The following AHNAK variants were observed in gnomAD, a reference collection of about 807,000 sequenced individuals.
AHNAK encodes AHNAK nucleoprotein.
In AHNAK, 23 loss-of-function variants were observed where a neutral mutation model predicts 37.8. The ratio of observed to expected loss-of-function variants is 0.61; its 90% confidence interval spans 0.44 to 0.86. AHNAK has a LOEUF of 0.86. Ranked by LOEUF, AHNAK falls within the 40% of genes least tolerant of loss-of-function variation. AHNAK has a pLI of 0.00. For missense variants in AHNAK, 7,411 were observed against 7,319.4 expected (o/e 1.01, Z -0.46); for synonymous variants, 2,481 against 2,636.3 (o/e 0.94, Z 1.80).
In AHNAK at chr11:62,518,858, A is replaced by T; in HGVS notation, c.15559T>A (p.Phe5187Ile). 6.2e-7 allele frequency: 1 copy of T among 1,614,216 alleles called. No homozygotes were observed. The highest frequency in any genetic ancestry group is 8.5e-7 in the Non-Finnish European group (1 of 1,180,030). Residue 5187 changes from phenylalanine to isoleucine, a missense_variant, in exon 5 of 5, where the codon TTC (phenylalanine) becomes ATC (isoleucine). Transcript: ENST00000378024. ...GAGACTTGAGGGGCAGAAATGCCGA[A>T]GGACGGTGTTTTGACTTTAGCATCT... The part of the protein sequence containing the change: ...GLDAKVKTPS[F>I]GISAPQVSIP...
intron 5 of AHNAK, among the ~76,000 whole-genome samples, chr11:62,454,273 C>A (rs1270622157): frequency 6.6e-6 from 1 of 150,866 alleles, no homozygotes; most frequent in Non-Finnish European, 1.5e-5. Context: ...ATTAGCCGGG[C>A]GTGGTGGCGG....
rs778053025 is a variant in AHNAK, at chr11:62,526,585, G to T, written c.7832C>A (p.Pro2611His). The T allele has an allele frequency of 1.9e-6, 3 of 1,612,664 alleles. No homozygotes were observed. In the East Asian group the frequency reaches 6.7e-5, roughly 36 times the overall value. Residue 2611 changes from proline to histidine, a missense_variant, in exon 5 of 5, where the codon CCC becomes CAC. Coordinates refer to ENST00000378024, the MANE Select transcript of AHNAK (RefSeq NM_001620.3). ...TTTGGGCCCCTTGATGTCAACTTCG[G>T]GGCCCTTGAGGTCACCTTCCACTTT... Reference protein sequence around the residue: ...LPKVEGDLKGPEVDIKGPKVD... With the variant: ...LPKVEGDLKGHEVDIKGPKVD...
rs193035813 is a variant in AHNAK at position 62,484,805 on chromosome 11, T to C, written c.442+6927A>G. On this transcript the variant is annotated intron_variant, in intron 5 of 5. Coordinates refer to the AHNAK transcript ENST00000257247. ...TGTTCTGTTTTGTTTTGTTTTGTTTTTGAGACAGAGTTTCGCTCTTGTTGC... is the reference window on the plus strand; with the variant it reads ...TGTTCTGTTTTGTTTTGTTTTGTTTCTGAGACAGAGTTTCGCTCTTGTTGC... 4.6e-5 allele frequency among the ~76,000 whole-genome samples: 7 copies of C among 152,318 alleles called. No homozygotes were observed. The East Asian group carries it at 1.2e-3, about 25-fold the overall frequency.
At chr11:62,492,267 T>G (rs1373625765) in intron 4 of AHNAK, among the ~76,000 whole-genome samples, 1 of 152,194 alleles carries the variant, frequency 6.6e-6, no homozygotes, top group African/African-American at 2.4e-5. Flanking sequence ...CCTCTGGGTA[T>G]CTTTTCTCCA....
At chr11:62,479,736 G>A (rs185152502) in intron 5 of AHNAK, among the ~76,000 whole-genome samples, 1 of 152,194 alleles carries the variant, frequency 6.6e-6, no homozygotes, top group Non-Finnish European at 1.5e-5. Flanking sequence ...CACGACGCAC[G>A]AAACAGATAA....
chr11:62,504,662 C>T (rs1939776059), intron 4 of AHNAK, among the ~76,000 whole-genome samples: 1 of 152,024 alleles, frequency 6.6e-6, no homozygotes, highest in African/African-American at 2.4e-5. Flanking sequence ...TAAACACTGG[C>T]TGGAAAGACC....
In AHNAK at chr11:62,544,043, C is replaced by T. The variant is rs368179112; in HGVS notation, c.-100+2617G>A. Among the ~76,000 whole-genome samples, 5 of 152,274 alleles carry T rather than the reference C, an allele frequency of 3.3e-5. No individual in the cohort carries two copies. In the East Asian group the frequency reaches 9.7e-4, roughly 29 times the overall value. On this transcript the variant is annotated intron_variant, in intron 1 of 4. Transcript: ENST00000378024. ...CCACACCCCAGAGCCCCACACACCC[C>T]TCCGCCCCCACGGCTTTGCCCCAAC...
chr11:62,463,495 C>T (rs1379960087), intron 5 of AHNAK, among the ~76,000 whole-genome samples: 1 of 134,940 alleles, frequency 7.4e-6, no homozygotes, highest in Admixed American at 7.5e-5. Flanking sequence ...GCCTCCCTCC[C>T]GTCTTGCTTT....
chr11:62,535,467 A>G (rs923120934), intron 3 of AHNAK, among the ~76,000 whole-genome samples: 7 of 152,090 alleles, frequency 4.6e-5, no homozygotes, highest in Admixed American at 4.6e-4. Context: ...TGACCAACAT[A>G]GAAAAACCCC....
At position 62,435,665 on chromosome 11, in the gene AHNAK, G is replaced by A. The variant is rs1173788621; in HGVS notation, c.443-1774C>T. ...CCTGACCTCGTGATCCGCCCACCTC[G>A]GCCTCCCAAAGTGCTGGGATTACAG... On this transcript the variant is annotated intron_variant, in intron 5 of 5. Transcript: ENST00000257247. Among the ~76,000 whole-genome samples, 5 of 152,184 alleles carry A rather than the reference G, an allele frequency of 3.3e-5. No individual in the cohort carries two copies. The East Asian group carries it at 7.7e-4, about 24-fold the overall frequency.
Position 62,524,468 on chromosome 11 carries a change from T to C in AHNAK, c.9949A>G (p.Lys3317Glu). 6.2e-7 allele frequency: 1 copy of C among 1,614,118 alleles called. No individual in the cohort carries two copies. The highest frequency in any genetic ancestry group is 8.5e-7 in the Non-Finnish European group (1 of 1,180,012). Residue 3317 changes from lysine to glutamate, a missense_variant, in exon 5 of 5, where the codon AAG becomes GAG. Lys to Glu is a moderately conservative substitution (Grantham distance 56). Coordinates refer to ENST00000378024, the MANE Select transcript of AHNAK (RefSeq NM_001620.3). ...GGAGCTTTAATGTCACCTTCCAACT[T>C]GGGCCCAGAGACATCAACATCTCCC... ...LKGDVDVSGP[K>E]LEGDIKAPSL...
exon 6 of AHNAK, chr11:62,433,774 G>T: frequency 6.7e-7 from 1 of 1,489,044 alleles, no homozygotes; most frequent in Non-Finnish European, 9.3e-7. Context: ...AACTGCAGGT[G>T]TTTGTTGCCC....
At position 62,528,629 on chromosome 11, in the gene AHNAK, G is replaced by A. The variant is rs199572949; in HGVS notation, c.5788C>T (p.His1930Tyr). 6.8e-6 allele frequency: 11 copies of A among 1,609,636 alleles called. No individual in the cohort carries two copies. In the South Asian group the frequency reaches 8.8e-5, roughly 13 times the overall value. Reference sequence around the variant, plus strand: ...CCTTTGACTTTGGGGCCTTTCAAGTGTAAGTCCACATCAGGCATGGAGATC... The same window carrying A: ...CCTTTGACTTTGGGGCCTTTCAAGTATAAGTCCACATCAGGCATGGAGATC... ...PKISMPDVDL[H>Y]LKGPKVKGDV... Residue 1930 changes from histidine to tyrosine, a missense_variant, in exon 5 of 5, where the codon CAC becomes TAC. Physicochemically the swap from His to Tyr is moderately conservative, Grantham distance 83. Coordinates refer to ENST00000378024, the MANE Select transcript of AHNAK (RefSeq NM_001620.3).
rs762186215 is a variant in AHNAK at position 62,522,597 on chromosome 11, G to A, written c.11820C>T (p.Ile3940=). 1.2e-6 allele frequency: 2 copies of A among 1,611,664 alleles called. No homozygotes were observed. Among genetic ancestry groups the A allele is most frequent in the South Asian group, 1.1e-5 (1 of 90,954 alleles). The part of the protein sequence containing the change: ...LKMPKIKMPK[I]SMPGFKGEGP... Reference sequence around the variant, plus strand: ...CTTCTCCTTTGAAGCCAGGCATGCTGATCTTGGGCATTTTTATCTTAGGCA... The same window carrying A: ...CTTCTCCTTTGAAGCCAGGCATGCTAATCTTGGGCATTTTTATCTTAGGCA... The change falls in exon 5 of 5, where the codon ATC becomes ATT. Residue 3940 remains isoleucine (I), a synonymous_variant. Transcript: ENST00000378024.
chr11:62,465,330 G>A (rs1385640508), intron 5 of AHNAK, among the ~76,000 whole-genome samples: 7 of 152,014 alleles, frequency 4.6e-5, no homozygotes, highest in Non-Finnish European at 7.4e-5. Flanking sequence ...TTTACCGTGC[G>A]GTCGCTGGGC....
Position 62,531,206 on chromosome 11 carries a change from C to T in AHNAK, c.3211G>A (p.Asp1071Asn). 6.2e-7 allele frequency: 1 copy of T among 1,614,138 alleles called. No homozygotes were observed. Among genetic ancestry groups the T allele is most frequent in the Middle Eastern group, 1.7e-4 (1 of 6,058 alleles). The change falls in exon 5 of 5, where the codon GAT becomes AAT. Residue 1071 changes from aspartate (D) to asparagine (N), a missense_variant. Coordinates refer to ENST00000378024, the MANE Select transcript of AHNAK (RefSeq NM_001620.3). ...GGTCCTTTAAGATCCAGGTCAACATCTGGCAAAGACATCTTAGGAGCTCTG... is the reference window on the plus strand; with the variant it reads ...GGTCCTTTAAGATCCAGGTCAACATTTGGCAAAGACATCTTAGGAGCTCTG... The part of the protein sequence containing the change: ...HFRAPKMSLP[D>N]VDLDLKGPKM...
chr11:62,519,878 G>C lies in AHNAK; in HGVS notation c.14539C>G (p.Pro4847Ala). The stretch of plus-strand genomic sequence containing the variant: ...TCAACATCAGGTATGGAGATCTTGG[G>C]AGCTTTGATATTTATTTCAGGCATC... ...FKMPEINIKAPKISIPDVDLD... is the reference protein window; with the variant it reads ...FKMPEINIKAAKISIPDVDLD... Residue 4847 changes from proline to alanine, a missense_variant, in exon 5 of 5, where the codon CCC becomes GCC. Transcript: ENST00000378024. The C allele has an allele frequency of 6.2e-7, 1 of 1,614,076 alleles. No individual in the cohort carries two copies. Among genetic ancestry groups the C allele is most frequent in the Non-Finnish European group, 8.5e-7 (1 of 1,179,970 alleles).
At chr11:62,498,295 T>C (rs538220777) in intron 4 of AHNAK, among the ~76,000 whole-genome samples, 76 of 152,136 alleles carry the variant, frequency 5.0e-4, no homozygotes, top group Non-Finnish European at 1.0e-3. Context: ...AAGATGAAGC[T>C]AATGGTTATC....
In AHNAK at chr11:62,530,158, G is replaced by A. The variant is rs1369573223; in HGVS notation, c.4259C>T (p.Ala1420Val). The part of the protein sequence containing the change: ...DVDVSGPKMD[A>V]EVPDVNIEGP... ...TTCAATATTCACATCTGGAACTTCAGCATCCATTTTGGGTCCTGAGACATC... is the reference window on the plus strand; with the variant it reads ...TTCAATATTCACATCTGGAACTTCAACATCCATTTTGGGTCCTGAGACATC... Residue 1420 changes from alanine (A) to valine (V), a missense_variant, in exon 5 of 5, where the codon GCT becomes GTT. Physicochemically the swap from Ala to Val is moderately conservative, Grantham distance 64. Transcript: ENST00000378024. 1.9e-6 allele frequency: 3 copies of A among 1,613,500 alleles called. No homozygotes were observed. Among genetic ancestry groups the A allele is most frequent in the Non-Finnish European group, 2.5e-6 (3 of 1,179,940 alleles).
Sources: gnomAD v4.1 joint callset for allele counts (sites outside exome capture counted in the v4.1 genomes callset) on GRCh38, gnomAD v4.1.1 for gene constraint, MANE v1.5 for transcripts, NCBI Gene and HGNC (gene_info 2026-07-23, HGNC 2026-07-21) for gene names.